Variants in IL1RAPL1 observed in about 807,000 individuals in gnomAD.
IL1RAPL1 encodes the protein interleukin-1 receptor accessory protein-like 1.
A neutral mutation model predicts 48.4 loss-of-function variants in IL1RAPL1; 3 were observed. That is an observed-to-expected ratio of 0.06 (90% CI 0.03 to 0.16). The LOEUF (loss-of-function observed/expected upper bound fraction) is 0.16, where lower values mean the gene tolerates loss of function less well. Ranked by LOEUF, IL1RAPL1 falls within the 10% of genes least tolerant of loss-of-function variation. The pLI is 1.00. For missense variants in IL1RAPL1, 349 were observed against 530.6 expected (o/e 0.66, Z 3.36); for synonymous variants, 185 against 187.7 (o/e 0.99, Z 0.12).
At chrX:29,647,806 G>A (rs748151040) in intron 5 of IL1RAPL1, among the ~76,000 whole-genome samples, 1 of 111,788 alleles carries the variant, frequency 8.9e-6, no homozygotes, top group African/African-American at 3.2e-5. Context: ...TTACCTATCA[G>A]TAACTACTGT....
intron 2 of IL1RAPL1, among the ~76,000 whole-genome samples, chrX:29,198,276 T>A (rs776811732): frequency 9.1e-6 from 1 of 109,972 alleles, no homozygotes; most frequent in South Asian, 3.9e-4. Context: ...GCAAAAAAGA[T>A]TTTAGGTTTT....
intron 5 of IL1RAPL1, among the ~76,000 whole-genome samples, chrX:29,565,062 A>C (rs1337912096): frequency 9.0e-6 from 1 of 111,471 alleles, no homozygotes; most frequent in Non-Finnish European, 1.9e-5. Flanking sequence ...CTGTAACCTG[A>C]CCCTCATGCA....
intron 6 of IL1RAPL1, among the ~76,000 whole-genome samples, chrX:29,886,870 T>C (rs764613530): frequency 8.9e-6 from 1 of 112,027 alleles, no homozygotes; most frequent in African/African-American, 3.2e-5. Context: ...AATAAAATTT[T>C]TATGAACTTC....
intron 2 of IL1RAPL1, among the ~76,000 whole-genome samples, chrX:29,069,709 A>G (rs1927525597): frequency 9.1e-6 from 1 of 109,897 alleles, no homozygotes; most frequent in African/African-American, 3.3e-5. Flanking sequence ...AGAGAAATCT[A>G]TGCATGATCT....
At chrX:28,990,159 C>T (rs776743790) in intron 2 of IL1RAPL1, among the ~76,000 whole-genome samples, 22 of 111,484 alleles carry the variant, frequency 2.0e-4, no homozygotes, top group Non-Finnish European at 2.8e-4. Flanking sequence ...GCCCCCAGGT[C>T]GGCACCCCTA....
At chrX:29,759,280 A>G (rs1928697829) in intron 6 of IL1RAPL1, among the ~76,000 whole-genome samples, 1 of 112,025 alleles carries the variant, frequency 8.9e-6, no homozygotes, top group Admixed American at 9.5e-5. Flanking sequence ...AATATTTGAC[A>G]TGTAGCTTGA....
chrX:29,131,415 C>A (rs771245708), intron 2 of IL1RAPL1, among the ~76,000 whole-genome samples: 20 of 110,341 alleles, frequency 1.8e-4, no homozygotes, highest in African/African-American at 6.6e-4. Context: ...CTGATCACCA[C>A]CCCTCTAAAG....
chrX:28,847,758 T>G (rs761383713), intron 2 of IL1RAPL1, among the ~76,000 whole-genome samples: 2 of 111,772 alleles, frequency 1.8e-5, no homozygotes, highest in East Asian at 5.7e-4. Context: ...CAAACACCTC[T>G]GCTTAGTGAG....
intron 6 of IL1RAPL1, among the ~76,000 whole-genome samples, chrX:29,773,710 C>T (rs755282577): frequency 1.3e-4 from 14 of 111,205 alleles, no homozygotes; most frequent in Admixed American, 4.8e-4. Context: ...CTAATGGTGA[C>T]GTAGACATCT....
intron 1 of IL1RAPL1, among the ~76,000 whole-genome samples, chrX:28,644,139 C>T (rs781626115): frequency 2.7e-5 from 3 of 111,168 alleles, no homozygotes; most frequent in Non-Finnish European, 5.7e-5. Flanking sequence ...ATATAATATA[C>T]TCTTCTAGCT....
At chrX:28,593,489 T>C (rs765859204) in intron 1 of IL1RAPL1, among the ~76,000 whole-genome samples, 1 of 111,952 alleles carries the variant, frequency 8.9e-6, no homozygotes, top group African/African-American at 3.2e-5. Context: ...TGCTCATATA[T>C]ATCAAATACG....
chrX:29,415,856 G>A (rs1934208761), intron 5 of IL1RAPL1, among the ~76,000 whole-genome samples: 2 of 112,374 alleles, frequency 1.8e-5, no homozygotes, highest in Non-Finnish European at 3.8e-5. Context: ...ACTTAATGAT[G>A]TTGTATCATC....
intron 1 of IL1RAPL1, among the ~76,000 whole-genome samples, chrX:28,673,655 G>A (rs1337214685): frequency 9.0e-6 from 1 of 111,310 alleles, no homozygotes; most frequent in African/African-American, 3.3e-5. Context: ...TCCTCTGAAA[G>A]GGGAAAACAT....
intron 2 of IL1RAPL1, among the ~76,000 whole-genome samples, chrX:29,168,929 G>GTA (rs1196243602): frequency 1.2e-5 from 1 of 81,690 alleles, no homozygotes; most frequent in African/African-American, 4.3e-5. Context: ...ATGTACAATT[G>GTA]TATATATATA....
chrX:28,644,132 T>C (rs1053399107), intron 1 of IL1RAPL1, among the ~76,000 whole-genome samples: 39 of 110,356 alleles, frequency 3.5e-4, no homozygotes, highest in Non-Finnish European at 6.6e-4. Flanking sequence ...TATATATATA[T>C]AATATACTCT....
chrX:29,108,057 C>T (rs1928483955), intron 2 of IL1RAPL1, among the ~76,000 whole-genome samples: 1 of 111,976 alleles, frequency 8.9e-6, no homozygotes, highest in Admixed American at 9.5e-5. Context: ...CAGAATGTTA[C>T]CAGGACCCCC....
intron 6 of IL1RAPL1, among the ~76,000 whole-genome samples, chrX:29,752,149 G>A (rs1928496452): frequency 1.0e-5 from 1 of 98,032 alleles, no homozygotes. Flanking sequence ...AATTTTTAAT[G>A]TACTTTTATT....
intron 2 of IL1RAPL1, among the ~76,000 whole-genome samples, chrX:29,202,333 T>A (rs1169316057): frequency 1.8e-5 from 2 of 111,937 alleles, no homozygotes; most frequent in Non-Finnish European, 3.8e-5. Context: ...TCAGTCAGAA[T>A]GGCTATTATC....
chrX:29,093,507 C>T (rs186246834), intron 2 of IL1RAPL1, among the ~76,000 whole-genome samples: 187 of 111,348 alleles, frequency 1.7e-3, no homozygotes, highest in Non-Finnish European at 2.7e-3. Context: ...AGATCCAAAC[C>T]GTATCACTTT....
Sources: gnomAD v4.1 joint callset for allele counts (sites outside exome capture counted in the v4.1 genomes callset) on GRCh38, gnomAD v4.1.1 for gene constraint, MANE v1.5 for transcripts, NCBI Gene and HGNC (gene_info 2026-07-23, HGNC 2026-07-21) for gene names.